The following ZNF787 variants were observed in gnomAD, a reference collection of about 807,000 sequenced individuals.
ZNF787 encodes the protein zinc finger protein 787.
Under a neutral mutation model 16.9 loss-of-function variants are expected in ZNF787, and 7 were observed. The observed-to-expected ratio is 0.42, with a 90% CI of 0.24 to 0.78. The LOEUF is 0.78. Ranked by LOEUF, ZNF787 falls within the 30% of genes least tolerant of loss-of-function variation. ZNF787 has a pLI of 0.30. For missense variants in ZNF787, 551 were observed against 589.3 expected, an observed-to-expected ratio of 0.94 and a Z score of 0.67; for synonymous variants, 345 against 270.9, an observed-to-expected ratio of 1.27 and a Z score of -2.69.
At chr19:56,099,549 A>T (rs1323908318) in intron 2 of ZNF787, among the ~76,000 whole-genome samples, 1 of 152,072 alleles carries the variant, frequency 6.6e-6, no homozygotes, top group Admixed American at 6.5e-5. Context: ...AGTCTCTACC[A>T]AAAATACAAA....
At chr19:56,100,228 C>G (rs1986040100) in intron 2 of ZNF787, among the ~76,000 whole-genome samples, 1 of 152,146 alleles carries the variant, frequency 6.6e-6, no homozygotes. Context: ...TTTGGCACTC[C>G]AACCAGCATC....
intron 1 of ZNF787, chr19:56,103,518 T>TG (rs1279909382): frequency 2.5e-6 from 1 of 393,530 alleles, no homozygotes; most frequent in Non-Finnish European, 4.5e-6. Context: ...CAGCTGGACC[T>TG]GGGGCAAGCA....
rs28494646 is a variant in ZNF787, at chr19:56,087,787, T to C, written c.*236A>G. 6.0e-3 allele frequency: 3,529 copies of C among 587,866 alleles called. 100 individuals carry two copies. In the African/African-American group the frequency reaches 0.063, roughly 11 times the overall value. The allele number at this position is 587,866 out of a possible 1,614,324, so 36.4% of individuals were successfully genotyped here. A position where few individuals can be genotyped will look rare whatever the true frequency, so the allele number is the denominator to read the frequency against. On this transcript the variant is annotated 3_prime_UTR_variant, in exon 3 of 3. Coordinates refer to ENST00000610935, the MANE Select transcript of ZNF787 (RefSeq NM_001002836.4). ...TCTCTCCGGCTCGCAGGCCGATAAC[T>C]TAGGAAGGGCGGGCCAGGCTGAGGG...
intron 1 of ZNF787, among the ~76,000 whole-genome samples, chr19:56,106,303 C>T (rs114848836): frequency 0.01 from 1,569 of 152,338 alleles, 28 homozygotes; most frequent in African/African-American, 0.035. Context: ...CTCCACTGTA[C>T]GGCGGCCACA....
chr19:56,120,749 GCCA>G lies in ZNF787; in HGVS notation c.-11+420_-11+422del, dbSNP rs978593033. Among the ~76,000 whole-genome samples, 12 of 145,128 alleles carry G rather than the reference GCCA, an allele frequency of 8.3e-5. No homozygotes were observed. The South Asian group carries it at 8.7e-4, about 11-fold the overall frequency. On this transcript the variant is annotated intron_variant, in intron 1 of 2. Transcript: ENST00000610935. ...TGGGCCTCAACTTCCCCCCGAAGTC[GCCA>G]CCACTTCCGGCCACGACCGGCGGAG... is the stretch of plus-strand genomic sequence containing the variant.
At chr19:56,094,169 A>G (rs1363718261) in intron 2 of ZNF787, among the ~76,000 whole-genome samples, 1 of 147,120 alleles carries the variant, frequency 6.8e-6, no homozygotes, top group South Asian at 2.2e-4. Context: ...GATTACAGGC[A>G]TGAGCCATCA....
chr19:56,116,649 G>C (rs188800890), intron 1 of ZNF787, among the ~76,000 whole-genome samples: 4 of 151,146 alleles, frequency 2.6e-5, no homozygotes, highest in Non-Finnish European at 4.4e-5. Flanking sequence ...CCACACCTGC[G>C]GACCACCTTA....
At chr19:56,091,920 A>C (rs1359807649) in intron 2 of ZNF787, among the ~76,000 whole-genome samples, 2 of 98,582 alleles carry the variant, frequency 2.0e-5, no homozygotes, top group Non-Finnish European at 3.8e-5. Context: ...CCGCAGCCGC[A>C]GCCGAAGCCG....
chr19:56,102,589 A>T, intron 2 of ZNF787: 1 of 462,002 alleles, frequency 2.2e-6, no homozygotes, highest in South Asian at 4.3e-5. Context: ...CCAATGTCCA[A>T]AAAGTGAAGG....
intron 2 of ZNF787, chr19:56,102,145 G>C (rs1462725712): frequency 6.6e-6 from 1 of 152,268 alleles, no homozygotes; most frequent in African/African-American, 2.4e-5. Flanking sequence ...CCCGGTCTTT[G>C]TATGGGACGA....
intron 1 of ZNF787, among the ~76,000 whole-genome samples, chr19:56,104,670 G>A (rs1301031380): frequency 1.3e-5 from 2 of 151,914 alleles, no homozygotes; most frequent in African/African-American, 2.4e-5. Flanking sequence ...ACCCGTGACT[G>A]TGAAAGTCTC....
chr19:56,099,216 C>T (rs1166671340), intron 2 of ZNF787, among the ~76,000 whole-genome samples: 2 of 152,182 alleles, frequency 1.3e-5, no homozygotes, highest in African/African-American at 4.8e-5. Flanking sequence ...CAGGGCAGCC[C>T]AAAGCCCCTT....
intron 1 of ZNF787, among the ~76,000 whole-genome samples, chr19:56,108,324 C>A (rs1346992766): frequency 1.5e-5 from 2 of 137,854 alleles, no homozygotes; most frequent in Non-Finnish European, 3.1e-5. Flanking sequence ...CCAGCCCCTG[C>A]CCAGAGCTCC....
At chr19:56,120,464 G>A (rs1180747239) in intron 1 of ZNF787, among the ~76,000 whole-genome samples, 3 of 152,164 alleles carry the variant, frequency 2.0e-5, no homozygotes, top group Admixed American at 6.5e-5. Context: ...GCTGACCTTG[G>A]CCCAGTCACT....
At chr19:56,093,892 G>A (rs562959717) in intron 2 of ZNF787, among the ~76,000 whole-genome samples, 2 of 152,346 alleles carry the variant, frequency 1.3e-5, no homozygotes, top group African/African-American at 2.4e-5. Context: ...GTTAAGGGGT[G>A]TTCCTTGAAT....
intron 2 of ZNF787, among the ~76,000 whole-genome samples, chr19:56,092,016 ACCGAAGCCGAAG>A (rs150722212): frequency 0.021 from 3,114 of 144,990 alleles, 86 homozygotes; most frequent in Admixed American, 0.067. Context: ...CAAAGCCGAA[ACCGAAGCCGAAG>A]CCGAAGCCGA....
chr19:56,113,550 G>A (rs781172070), intron 1 of ZNF787, among the ~76,000 whole-genome samples: 7 of 152,184 alleles, frequency 4.6e-5, no homozygotes, highest in Non-Finnish European at 8.8e-5. Flanking sequence ...AAGTTCAGCT[G>A]TGACAGGGAT....
chr19:56,092,394 T>C (rs1985642162), intron 2 of ZNF787, among the ~76,000 whole-genome samples: 1 of 152,010 alleles, frequency 6.6e-6, no homozygotes, highest in Non-Finnish European at 1.5e-5. Flanking sequence ...GGGGCGGTCC[T>C]CCACTCCAGA....
At chr19:56,094,374 A>C (rs1261812178) in intron 2 of ZNF787, among the ~76,000 whole-genome samples, 1 of 150,758 alleles carries the variant, frequency 6.6e-6, no homozygotes, top group Non-Finnish European at 1.5e-5. Context: ...GGGTTTCTCC[A>C]TGTTGGCCAG....
Sources: gnomAD v4.1 joint callset for allele counts (sites outside exome capture counted in the v4.1 genomes callset) on GRCh38, gnomAD v4.1.1 for gene constraint, MANE v1.5 for transcripts, NCBI Gene and HGNC (gene_info 2026-07-23, HGNC 2026-07-21) for gene names.